DUOX2: variants seen among roughly 807,000 people sequenced by gnomAD.
The protein encoded by DUOX2 is NADH/NADPH thyroid oxidase p138-tox.
In DUOX2, 185 loss-of-function variants were observed where a neutral mutation model predicts 183.3. That is an observed-to-expected ratio of 1.01 (90% CI 0.90 to 1.14). DUOX2 has a LOEUF of 1.14. DUOX2 is among the 50% of genes most tolerant of loss of function. DUOX2 has a pLI of 0.00. For missense variants in DUOX2, 1,999 were observed against 2,022.9 expected, an observed-to-expected ratio of 0.99 and a Z score of 0.23; for synonymous variants, 788 against 812.4, an observed-to-expected ratio of 0.97 and a Z score of 0.51.
rs374410986 is a variant in DUOX2, at chr15:45,097,676, G to A, written c.3631C>T (p.Arg1211Cys). ...CAGAAGCCCCGGAAGCTGCGGCGGC[G>A]GAAGTGGTGGGAGGCGAAGACATAC... ...IMYVFASHHF[R>C]RRSFRGFWLT... Residue 1211 changes from arginine to cysteine, a missense_variant, in exon 28 of 34, where the codon CGC becomes TGC. Arg to Cys is a radical substitution (Grantham distance 180, BLOSUM62 -3). Transcript: ENST00000389039. 2.8e-5 allele frequency: 46 copies of A among 1,614,090 alleles called. No individual in the cohort carries two copies. The highest frequency in any genetic ancestry group is 3.2e-5 in the Non-Finnish European group (38 of 1,180,052).
In DUOX2 at chr15:45,095,089, G is replaced by A. The variant is rs764868070; in HGVS notation, c.4242C>T (p.Ile1414=). Residue 1414 remains isoleucine, a splice_region_variant and synonymous_variant, in exon 32 of 34, where the codon ATC becomes ATT. Coordinates refer to ENST00000389039, the MANE Select transcript of DUOX2 (RefSeq NM_001363711.2). ...SLGSQMLCKK[I]YFIWVTRTQR... ...GGGTCCGTGTCACCCAGATGAAGTA[G>A]ATCTGGGGACACAGGGCTGGAGATC... is the stretch of plus-strand genomic sequence containing the variant. 5 of 1,613,624 alleles carry A rather than the reference G, an allele frequency of 3.1e-6. No homozygotes were observed. The Admixed American group carries it at 8.3e-5, about 27-fold the overall frequency.
At chr15:45,097,911 C>T in intron 27 of DUOX2, 98 bp downstream of exon 27, 1 of 1,547,444 alleles carries the variant, frequency 6.5e-7, no homozygotes, top group African/African-American at 1.4e-5. Context: ...AGGCTAGAAA[C>T]AGACCCCATG....
chr15:45,097,899 GA>G, intron 27 of DUOX2, 109 bp downstream of exon 27: 2 of 1,546,780 alleles, frequency 1.3e-6, no homozygotes, highest in Non-Finnish European at 1.8e-6. Flanking sequence ...GGCTTGTCCT[GA>G]AGGCTAGAAA....
intron 33 of DUOX2, 139 bp downstream of exon 33, chr15:45,094,424 C>G (rs774240136): frequency 6.6e-7 from 1 of 1,520,622 alleles, no homozygotes; most frequent in East Asian, 2.4e-5. Context: ...GGAAGTCCCC[C>G]TTTAACAGCT....
rs755951221 is a variant in DUOX2, at chr15:45,094,968, C to T, written c.4363G>A (p.Ala1455Thr). Residue 1455 changes from alanine (A) to threonine (T), a missense_variant, in exon 32 of 34, where the codon GCT becomes ACT. Ala to Thr is a moderately conservative substitution (Grantham distance 58). Coordinates refer to ENST00000389039, the MANE Select transcript of DUOX2 (RefSeq NM_001363711.2). ...GTGGTCCTGAGGTCGAACTTCTCAG[C>T]CAGCTGGGTGACATAAATGTGCACA... ...VSVHIYVTQL[A>T]EKFDLRTTML... The T allele has an allele frequency of 3.5e-5, 56 of 1,614,026 alleles. No homozygotes were observed. The highest frequency in any genetic ancestry group is 4.6e-5 in the Non-Finnish European group (54 of 1,180,008).
intron 26 of DUOX2, among the ~76,000 whole-genome samples, chr15:45,098,711 T>A (rs1893972489): frequency 6.6e-6 from 1 of 152,030 alleles, no homozygotes; most frequent in Non-Finnish European, 1.5e-5. Flanking sequence ...CTTTCCTTTT[T>A]TTTTTTTTCA....
intron 31 of DUOX2, 65 bp downstream of exon 31, chr15:45,095,372 C>A: frequency 6.2e-7 from 1 of 1,605,284 alleles, no homozygotes. Context: ...CATGCTCCAC[C>A]ACTTGATGCG....
chr15:45,097,587 A>T, intron 28 of DUOX2, 27 bp downstream of exon 28: 1 of 1,614,198 alleles, frequency 6.2e-7, no homozygotes, highest in African/African-American at 1.3e-5. Flanking sequence ...TCCCTGCTCC[A>T]TGGGCTGGCC....
chr15:45,111,937 T>TCGGAAA lies in DUOX2; in HGVS notation c.338_343dup (p.Ser114_Asp115insValSer). The TCGGAAA allele has an allele frequency of 6.2e-7, 1 of 1,613,520 alleles. No homozygotes were observed. Among genetic ancestry groups the TCGGAAA allele is most frequent in the Non-Finnish European group, 8.5e-7 (1 of 1,179,974 alleles). ...ACCGGGCGTTTCCACGCTCACCACG[T>TCGGAAA]CGGAAAGAACATGGTAGCCTGCGGG... On this transcript the variant is annotated inframe_insertion, in exon 5 of 34. Transcript: ENST00000389039.
chr15:45,110,660 C>G lies in DUOX2; in HGVS notation c.933G>C (p.Pro311=), dbSNP rs1382295831. The G allele has an allele frequency of 1.9e-6, 3 of 1,612,790 alleles. No individual in the cohort carries two copies. Among genetic ancestry groups the G allele is most frequent in the Non-Finnish European group, 2.5e-6 (3 of 1,179,976 alleles). ...TCCCCGCTCCCTCACCTGTATACTCCGGGAGTGTTTTCTGCAGGAAGCTGG... is the reference window on the plus strand; with the variant it reads ...TCCCCGCTCCCTCACCTGTATACTCGGGGAGTGTTTTCTGCAGGAAGCTGG... ...WLPSFLQKTL[P]EYTGYRPFLD... The change falls in exon 8 of 34, where the codon CCG becomes CCC. Residue 311 remains proline, a synonymous_variant. Transcript: ENST00000389039.
chr15:45,105,864 T>C, intron 17 of DUOX2, 36 bp from the exon 18 acceptor site: 4 of 1,612,276 alleles, frequency 2.5e-6, no homozygotes, highest in Non-Finnish European at 3.4e-6. Context: ...CGCAGGGAGC[T>C]CGCTGGACCT....
At chr15:45,109,125 T>C in intron 11 of DUOX2, 173 bp from the exon 12 acceptor site, 1 of 829,610 alleles carries the variant, frequency 1.2e-6, no homozygotes, top group South Asian at 1.5e-5. Context: ...AATGTCACCA[T>C]GGGTGATCAG....
At chr15:45,113,182 C>T (rs984849276) in intron 2 of DUOX2, 106 bp from the exon 3 acceptor site, 2 of 1,460,438 alleles carry the variant, frequency 1.4e-6, no homozygotes, top group African/African-American at 1.4e-5. Context: ...CGCCCCTAAC[C>T]GGACCCAAGT....
At chr15:45,097,174 G>C (rs1411230969) in intron 29 of DUOX2, 64 bp downstream of exon 29, 6 of 1,609,164 alleles carry the variant, frequency 3.7e-6, no homozygotes, top group African/African-American at 1.3e-5. Flanking sequence ...CTGGTGAACT[G>C]TCTCCCCATG....
rs1004651854 is a variant in DUOX2, at chr15:45,100,243, G to A, written c.3006-15C>T. 6.2e-7 allele frequency: 1 copy of A among 1,610,982 alleles called. No homozygotes were observed. Among genetic ancestry groups the A allele is most frequent in the Non-Finnish European group, 8.5e-7 (1 of 1,179,002 alleles). On this transcript the variant is annotated splice_polypyrimidine_tract_variant and intron_variant, in intron 23 of 33. Transcript: ENST00000389039. ...GCACTGCTGCCCTATAGCAAGGGGA[G>A]GCAGGGCAGCAGTGTGGTAAGGGCC...
chr15:45,108,106 G>A lies in DUOX2; in HGVS notation c.1515C>T (p.Leu505=), dbSNP rs142972079. The change falls in exon 13 of 34, where the codon CTC becomes CTT. Residue 505 remains leucine, a synonymous_variant. Transcript: ENST00000389039. The part of the protein sequence containing the change: ...DPGPLFSAIV[L]DQFVRLRDGD... ...CATCCCGCAGCCGTACAAACTGGTC[G>A]AGGACAATGGCACTGAACAGGGGTC... 2.0e-4 allele frequency: 328 copies of A among 1,614,080 alleles called. No homozygotes were observed. In the African/African-American group the frequency reaches 3.4e-3, roughly 17 times the overall value.
In DUOX2 at chr15:45,111,092, C is replaced by T. The variant is rs1315902902; in HGVS notation, c.882+19G>A. ...CTTGCACGCGGAAGGGAGGACGTCGCGGGGCGCGGACGGCTGACCTGGTAG... is the reference window on the plus strand; with the variant it reads ...CTTGCACGCGGAAGGGAGGACGTCGTGGGGCGCGGACGGCTGACCTGGTAG... On this transcript the variant is annotated intron_variant, in intron 7 of 33. Coordinates refer to ENST00000389039, the MANE Select transcript of DUOX2 (RefSeq NM_001363711.2). The T allele has an allele frequency of 2.1e-6, 2 of 946,398 alleles. No homozygotes were observed. Among genetic ancestry groups the T allele is most frequent in the Non-Finnish European group, 3.1e-6 (2 of 646,304 alleles). The allele number at this position is 946,398 out of a possible 1,614,324, so 58.6% of individuals were successfully genotyped here.
chr15:45,106,739 C>T, intron 15 of DUOX2, 93 bp downstream of exon 15: 1 of 1,608,032 alleles, frequency 6.2e-7, no homozygotes, highest in Non-Finnish European at 8.5e-7. Flanking sequence ...GTTCCTTGAG[C>T]CTGGTCTCAA....
At chr15:45,111,696 C>A (rs866948821) in intron 5 of DUOX2, 72 bp downstream of exon 5, 1 of 1,461,836 alleles carries the variant, frequency 6.8e-7, no homozygotes, top group Non-Finnish European at 9.0e-7. Context: ...CCCCTCCAGG[C>A]CCTGCCAGGC....
Sources: allele counts gnomAD v4.1 joint callset (sites outside exome capture counted in the v4.1 genomes callset), GRCh38; gene constraint gnomAD v4.1.1; transcripts MANE v1.5; gene names NCBI Gene and HGNC (gene_info 2026-07-23, HGNC 2026-07-21).